The following DTYMK variants were observed in gnomAD, a reference collection of about 807,000 sequenced individuals.
The protein encoded by DTYMK is deoxythymidylate kinase, also known as thymidylate kinase.
In DTYMK, 20 loss-of-function variants were observed where a neutral mutation model predicts 20.3. That is an observed-to-expected ratio of 0.99 (90% CI 0.69 to 1.43). The LOEUF (loss-of-function observed/expected upper bound fraction) is 1.43, where lower values mean the gene tolerates loss of function less well. Among genes scored for constraint, DTYMK ranks in the 40% most tolerant of loss-of-function variants. DTYMK has a pLI of 0.00. For missense variants in DTYMK, 320 were observed against 291.1 expected, an observed-to-expected ratio of 1.10 and a Z score of -0.72; for synonymous variants, 148 against 124.4, an observed-to-expected ratio of 1.19 and a Z score of -1.27.
chr2:241,680,917 A>T (rs1338983301), intron 2 of DTYMK, among the ~76,000 whole-genome samples: 1 of 152,212 alleles, frequency 6.6e-6, no homozygotes, highest in Non-Finnish European at 1.5e-5. Flanking sequence ...ATGCACTGTC[A>T]GCTGTCTTGG....
At position 241,676,133 on chromosome 2, in the gene DTYMK, C is replaced by G; in HGVS notation, c.633G>C (p.Trp211Cys). 1 of 1,611,256 alleles carries G rather than the reference C, an allele frequency of 6.2e-7. No homozygotes were observed. The highest frequency in any genetic ancestry group is 8.5e-7 in the Non-Finnish European group (1 of 1,178,766). The stretch of plus-strand genomic sequence containing the variant: ...TCCAGTGGGCAGCCTTGGGTCACTT[C>G]CATAGCTCCCCCAGCGGCTTCTCTG... ...TATEKPLGEL[W>C]K The change falls in exon 5 of 5, where the codon TGG (tryptophan) becomes TGC (cysteine). Residue 211 changes from tryptophan (W) to cysteine (C), a missense_variant. Coordinates refer to ENST00000305784, the MANE Select transcript of DTYMK (RefSeq NM_012145.4).
Position 241,676,189 on chromosome 2 carries a change from C to G in DTYMK, c.577G>C (p.Val193Leu). 1 of 1,613,274 alleles carries G rather than the reference C, an allele frequency of 6.2e-7. No homozygotes were observed. The highest frequency in any genetic ancestry group is 8.5e-7 in the Non-Finnish European group (1 of 1,179,822). Reference protein sequence around the residue: ...SIEAVHEDIRVLSEDAIRTAT... With the variant: ...SIEAVHEDIRLLSEDAIRTAT... The stretch of plus-strand genomic sequence containing the variant: ...GTGCGGATGGCGTCCTCAGAGAGCA[C>G]GCGGATGTCCTCATGGACAGCTTCG... The change falls in exon 5 of 5, where the codon GTG becomes CTG. Residue 193 changes from valine to leucine, a missense_variant. Coordinates refer to ENST00000305784, the MANE Select transcript of DTYMK (RefSeq NM_012145.4).
At chr2:241,679,124 T>G (rs2125162275) in intron 3 of DTYMK, among the ~76,000 whole-genome samples, 1 of 152,356 alleles carries the variant, frequency 6.6e-6, no homozygotes, top group Admixed American at 6.5e-5. Context: ...CAGGCACTCC[T>G]AGAGCCTGTT....
In DTYMK at chr2:241,675,805, C is replaced by T. The variant is rs1260296970; in HGVS notation, c.*322G>A. The T allele has an allele frequency of 9.9e-6, 2 of 202,464 alleles. No homozygotes were observed. The highest frequency in any genetic ancestry group is 2.0e-5 in the Non-Finnish European group (2 of 101,528). 12.5% of individuals were successfully genotyped at this position (202,464 alleles called of 1,614,324 possible). A position where few individuals can be genotyped will look rare whatever the true frequency, so the allele number is the denominator to read the frequency against. On this transcript the variant is annotated 3_prime_UTR_variant, in exon 5 of 5. Transcript: ENST00000305784. The stretch of plus-strand genomic sequence containing the variant: ...CATTTAGGAGAATTCCAACTGATTA[C>T]CATTTACAGTGATCACAATGAAACT...
rs914131575 is a variant in DTYMK, at chr2:241,675,850, C to G, written c.*277G>C. On this transcript the variant is annotated 3_prime_UTR_variant, in exon 5 of 5. Coordinates refer to ENST00000305784, the MANE Select transcript of DTYMK (RefSeq NM_012145.4). Reference sequence around the variant, plus strand: ...GAAACTGCTCAGAGTTATCACTGAACTTCAGTAAGAAAATACAACAGAGTG... The same window carrying G: ...GAAACTGCTCAGAGTTATCACTGAAGTTCAGTAAGAAAATACAACAGAGTG... 2.9e-5 allele frequency: 9 copies of G among 308,182 alleles called. No individual in the cohort carries two copies. The highest frequency in any genetic ancestry group is 4.8e-5 in the Non-Finnish European group (8 of 168,348). The allele number at this position is 308,182 out of a possible 1,614,324, so 19.1% of individuals were successfully genotyped here.
rs200037879 is a variant in DTYMK, at chr2:241,676,149, G to A, written c.617C>T (p.Pro206Leu). 5.3e-5 allele frequency: 86 copies of A among 1,612,404 alleles called. No homozygotes were observed. Among genetic ancestry groups the A allele is most frequent in the Non-Finnish European group, 5.5e-5 (65 of 1,179,246 alleles). Reference sequence around the variant, plus strand: ...GGGTCACTTCCATAGCTCCCCCAGCGGCTTCTCTGTGGCAGTGCGGATGGC... The same window carrying A: ...GGGTCACTTCCATAGCTCCCCCAGCAGCTTCTCTGTGGCAGTGCGGATGGC... The part of the protein sequence containing the change: ...EDAIRTATEK[P>L]LGELWK The change falls in exon 5 of 5, where the codon CCG becomes CTG. Residue 206 changes from proline to leucine, a missense_variant. Pro to Leu is a moderately conservative substitution (Grantham distance 98). Transcript: ENST00000305784.
At chr2:241,679,762 A>G (rs1482002535) in intron 3 of DTYMK, among the ~76,000 whole-genome samples, 1 of 152,124 alleles carries the variant, frequency 6.6e-6, no homozygotes, top group African/African-American at 2.4e-5. Context: ...TGAGGTCAGG[A>G]GTTTGAGACC....
intron 3 of DTYMK, among the ~76,000 whole-genome samples, chr2:241,679,941 C>T (rs1456274694): frequency 6.7e-6 from 1 of 150,078 alleles, no homozygotes; most frequent in East Asian, 1.9e-4. Flanking sequence ...TGCACTCCAG[C>T]CTGGGTGACA....
intron 4 of DTYMK, among the ~76,000 whole-genome samples, chr2:241,676,589 G>A (rs1172379643): frequency 6.6e-6 from 1 of 152,224 alleles, no homozygotes; most frequent in East Asian, 1.9e-4. Context: ...ACCTTTCTCT[G>A]AACCTCAACC....
In DTYMK at chr2:241,678,467, C is replaced by G; in HGVS notation, c.513G>C (p.Thr171=). Residue 171 remains threonine (T), a synonymous_variant, in exon 4 of 5, where the codon ACG becomes ACC. Transcript: ENST00000305784. ...LRCFHQLMKD[T]TLNWKMVDAS... ...GGATTCTCACCTTCCAGTTCAAAGT[C>G]GTGTCTTTCATGAGCTGGTGGAAAC... is the stretch of plus-strand genomic sequence containing the variant. 1.2e-6 allele frequency: 2 copies of G among 1,614,162 alleles called. No homozygotes were observed. The highest frequency in any genetic ancestry group is 1.7e-6 in the Non-Finnish European group (2 of 1,180,022).
rs543429717 is a variant in DTYMK, at chr2:241,676,417, GCAC to G, written c.529-183_529-181del. 3.2e-3 allele frequency among the ~76,000 whole-genome samples: 494 copies of G among 152,234 alleles called. 6 individuals are homozygous for G. Among genetic ancestry groups the G allele is most frequent in the African/African-American group, 0.011 (472 of 41,522 alleles). ...ACACCCCGTCTCTACAAAAAATGTG[GCAC>G]CACTCTACTCCAGCCTGGGTGACAC... On this transcript the variant is annotated intron_variant, in intron 4 of 4. Transcript: ENST00000305784.
In DTYMK at chr2:241,679,485, G is replaced by A. The variant is rs146902451; in HGVS notation, c.330+744C>T. Among the ~76,000 whole-genome samples, 179 of 152,342 alleles carry A rather than the reference G, an allele frequency of 1.2e-3. 1 individual carries two copies. Among genetic ancestry groups the A allele is most frequent in the African/African-American group, 3.8e-3 (158 of 41,576 alleles). ...AATGGCAGAATTAAAAAGTGAGGGC[G>A]TGGCCGGGCACGGTGGCTCGCGCCT... On this transcript the variant is annotated intron_variant, in intron 3 of 4. Transcript: ENST00000305784.
At chr2:241,685,638 G>A (rs879484800) in intron 2 of DTYMK, 131 bp downstream of exon 2, 23 of 963,506 alleles carry the variant, frequency 2.4e-5, no homozygotes, top group Non-Finnish European at 3.6e-5. Flanking sequence ...CTGCCCACAG[G>A]ACTGCTAAAC....
In DTYMK at chr2:241,676,222, T is replaced by C; in HGVS notation, c.544A>G (p.Lys182Glu). Residue 182 changes from lysine to glutamate, a missense_variant, in exon 5 of 5, where the codon AAA becomes GAA. Coordinates refer to ENST00000305784, the MANE Select transcript of DTYMK (RefSeq NM_012145.4). ...TCCTCATGGACAGCTTCGATGCTTT[T>C]GGAAGCATCCACCATCTGTTCCCAC... ...TLNWKMVDASKSIEAVHEDIR... is the reference protein window; with the variant it reads ...TLNWKMVDASESIEAVHEDIR... 1 of 1,611,944 alleles carries C rather than the reference T, an allele frequency of 6.2e-7. No homozygotes were observed. The highest frequency in any genetic ancestry group is 1.3e-5 in the African/African-American group (1 of 74,972).
At chr2:241,681,095 C>G (rs1309627933) in intron 2 of DTYMK, among the ~76,000 whole-genome samples, 1 of 152,176 alleles carries the variant, frequency 6.6e-6, no homozygotes, top group Non-Finnish European at 1.5e-5. Context: ...CACAAGTCCA[C>G]CATCATCCCT....
rs4675895 is a variant in DTYMK, at chr2:241,676,292, G to A, written c.529-55C>T. 3.4e-3 allele frequency: 5,222 copies of A among 1,520,394 alleles called. 200 individuals carry two copies. In the Admixed American group the frequency reaches 0.071, roughly 21 times the overall value. 94.2% of individuals were successfully genotyped at this position (1,520,394 alleles called of 1,614,324 possible). A position where few individuals can be genotyped will look rare whatever the true frequency, so the allele number is the denominator to read the frequency against. On this transcript the variant is annotated intron_variant, in intron 4 of 4. Coordinates refer to ENST00000305784, the MANE Select transcript of DTYMK (RefSeq NM_012145.4). ...GAGGCTCATCAGCACGTTCCAGGCT[G>A]GTCACGGGAGCCCACGCCTGTAATC...
chr2:241,684,529 A>G (rs1394364914), intron 2 of DTYMK, among the ~76,000 whole-genome samples: 1 of 152,208 alleles, frequency 6.6e-6, no homozygotes. Flanking sequence ...TGCGACGACA[A>G]TTAAAGAGAA....
chr2:241,686,543 A>C, intron 1 of DTYMK, 111 bp downstream of exon 1: 1 of 1,348,406 alleles, frequency 7.4e-7, no homozygotes. Flanking sequence ...TTCAAAATAA[A>C]AACCGCACAG....
chr2:241,678,705 A>C, intron 3 of DTYMK, 56 bp from the exon 4 acceptor site: 1 of 1,584,624 alleles, frequency 6.3e-7, no homozygotes, highest in Non-Finnish European at 8.6e-7. Flanking sequence ...TTTTGTTTCG[A>C]AAGTCGTAAA....
Sources: allele counts gnomAD v4.1 joint callset (sites outside exome capture counted in the v4.1 genomes callset), GRCh38; gene constraint gnomAD v4.1.1; transcripts MANE v1.5; gene names NCBI Gene and HGNC (gene_info 2026-07-23, HGNC 2026-07-21).